PSG9: variants seen among roughly 807,000 people sequenced by gnomAD.
PSG9 encodes the protein pregnancy-specific beta-1-glycoprotein 9.
PSG9 carries 49 observed loss-of-function variants against 41.9 expected under a neutral mutation model. The observed-to-expected ratio is 1.17, with a 90% CI of 0.93 to 1.48. PSG9 has a LOEUF of 1.48. Ranked by LOEUF, PSG9 falls within the 40% of genes most tolerant of loss-of-function variation. The pLI is 0.00. For synonymous variants in PSG9, 263 were observed against 196.8 expected (o/e 1.34, Z -2.82); for missense variants, 641 against 520.3 (o/e 1.23, Z -2.26).
At chr19:43,267,690 G>C in intron 2 of PSG9, 94 bp downstream of exon 2, 1 of 1,573,034 alleles carries the variant, frequency 6.4e-7, no homozygotes, top group South Asian at 1.1e-5. Flanking sequence ...TGCAGAGAGT[G>C]ACACAGGCAG....
At chr19:43,266,947 G>T (rs964834120) in intron 2 of PSG9, among the ~76,000 whole-genome samples, 28 of 152,268 alleles carry the variant, frequency 1.8e-4, no homozygotes, top group African/African-American at 4.1e-4. Flanking sequence ...AATGTTAAAT[G>T]ATTCACAGTC....
In PSG9 at chr19:43,265,072, C is replaced by G. The variant is rs573290803; in HGVS notation, c.430+2712G>C. Among the ~76,000 whole-genome samples, 167 of 149,554 alleles carry G rather than the reference C, an allele frequency of 1.1e-3. 1 individual carries two copies. The highest frequency in any genetic ancestry group is 4.1e-3 in the African/African-American group (165 of 40,144). ...GGCATCTAGTCTCAGGCTGGCTGTC[C>G]TCACTCATTCCTGGACATAGGTCAG... On this transcript the variant is annotated intron_variant, in intron 2 of 5. Coordinates refer to ENST00000270077, the MANE Select transcript of PSG9 (RefSeq NM_002784.5).
At chr19:43,263,710 A>G (rs1024395526) in intron 2 of PSG9, among the ~76,000 whole-genome samples, 1 of 152,092 alleles carries the variant, frequency 6.6e-6, no homozygotes, top group African/African-American at 2.4e-5. Context: ...AGACCAAAAT[A>G]AGGTTTAGGT....
At position 43,269,358 on chromosome 19, in the gene PSG9, C is replaced by T. The variant is rs757127741; in HGVS notation, c.64+10G>A. 15 of 1,613,376 alleles carry T rather than the reference C, an allele frequency of 9.3e-6. No homozygotes were observed. The highest frequency in any genetic ancestry group is 1.7e-6 in the Non-Finnish European group (2 of 1,179,614). On this transcript the variant is annotated intron_variant, in intron 1 of 5. Coordinates refer to ENST00000270077, the MANE Select transcript of PSG9 (RefSeq NM_002784.5). ...TCCCCCTGTCCTCTCCCAGGAAGTTCTCTCCTCACCTGTGAGCAGGAGCCC... is the reference window on the plus strand; with the variant it reads ...TCCCCCTGTCCTCTCCCAGGAAGTTTTCTCCTCACCTGTGAGCAGGAGCCC...
intron 2 of PSG9, among the ~76,000 whole-genome samples, chr19:43,265,223 A>C (rs1334042073): frequency 6.6e-6 from 1 of 152,180 alleles, no homozygotes; most frequent in Non-Finnish European, 1.5e-5. Context: ...AAAGACCATG[A>C]GATTAAGATT....
intron 1 of PSG9, among the ~76,000 whole-genome samples, 159 bp downstream of exon 1, chr19:43,269,209 T>A (rs1405463218): frequency 6.6e-6 from 1 of 151,974 alleles, no homozygotes; most frequent in Non-Finnish European, 1.5e-5. Context: ...CTTCACTGCA[T>A]TGGCCGGACT....
In PSG9 at chr19:43,268,093, G is replaced by A; in HGVS notation, c.121C>T (p.Gln41Ter). The part of the protein sequence containing the change: ...PTTAEVTIEA[Q>*]PPKVSEGKDV... ...TTCCCCTCAGAAACTTTGGGTGGCT[G>A]GGCTTCAATCGTGACTTCGGCAGTG... Residue 41 changes from glutamine (Q) to a stop codon, truncating the protein, a stop_gained, in exon 2 of 6, where the codon CAG (glutamine) becomes TAG (stop). Transcript: ENST00000270077. LOFTEE classifies it high-confidence loss of function. 3 of 1,613,422 alleles carry A rather than the reference G, an allele frequency of 1.9e-6. No individual in the cohort carries two copies. The highest frequency in any genetic ancestry group is 2.5e-6 in the Non-Finnish European group (3 of 1,179,644).
intron 1 of PSG9, among the ~76,000 whole-genome samples, chr19:43,268,987 C>T (rs1451036959): frequency 6.6e-6 from 1 of 151,976 alleles, no homozygotes; most frequent in East Asian, 1.9e-4. Context: ...ATCCAGGCTG[C>T]AACAGAGCCT....
intron 2 of PSG9, among the ~76,000 whole-genome samples, chr19:43,262,843 T>C (rs1162889333): frequency 1.3e-5 from 2 of 152,150 alleles, no homozygotes; most frequent in African/African-American, 4.8e-5. Context: ...CAGTAGCTGA[T>C]AGCTTTCGAC....
intron 3 of PSG9, chr19:43,259,565 T>A (rs1175877360): frequency 5.0e-6 from 1 of 198,092 alleles, no homozygotes; most frequent in Non-Finnish European, 9.9e-6. Context: ...TCTAAGGATG[T>A]TCTAGAGATG....
In PSG9 at chr19:43,258,379, T is replaced by C. The variant is rs367986060; in HGVS notation, c.1066A>G (p.Thr356Ala). 2.4e-5 allele frequency: 39 copies of C among 1,592,646 alleles called. 4 individuals are homozygous for C. The highest frequency in any genetic ancestry group is 1.6e-4 in the African/African-American group (11 of 70,852). ...SGENLDLSCF[T>A]ESNPPAEYFW... ...TACTCTGCCGGTGGGTTAGATTCCG[T>C]GAAGCAGGACAAGTCGAGGTTTTCT... Residue 356 changes from threonine to alanine, a missense_variant, in exon 5 of 6, where the codon ACG becomes GCG. Transcript: ENST00000270077.
Position 43,267,905 on chromosome 19 carries a change from G to A in PSG9, c.309C>T (p.Ser103=). 1 of 1,613,696 alleles carries A rather than the reference G, an allele frequency of 6.2e-7. No individual in the cohort carries two copies. The highest frequency in any genetic ancestry group is 8.5e-7 in the Non-Finnish European group (1 of 1,179,756). ...CATTCTGGATCAGCAGGGATGCGTT[G>A]GAATATACTGTTTCTCTTCCACTGT... ...PAYSGRETVY[S]NASLLIQNVT... The change falls in exon 2 of 6, where the codon TCC becomes TCT. Residue 103 remains serine, a synonymous_variant. Transcript: ENST00000270077.
chr19:43,266,926 AT>A (rs1353039802), intron 2 of PSG9, among the ~76,000 whole-genome samples: 1 of 152,172 alleles, frequency 6.6e-6, no homozygotes, highest in African/African-American at 2.4e-5. Context: ...TTTTCATGCT[AT>A]CTGTGAATAA....
At position 43,253,437 on chromosome 19, in the gene PSG9, A is replaced by G. The variant is rs1568408109; in HGVS notation, c.*172T>C. ...ACCAATTGCTGAAGAAAAAAAGTTC[A>G]TAAATCTGGAGAATAAAACATTCAA... On this transcript the variant is annotated 3_prime_UTR_variant, in exon 6 of 6. Transcript: ENST00000270077. The G allele has an allele frequency of 7.0e-6, 3 of 429,744 alleles. No homozygotes were observed. The highest frequency in any genetic ancestry group is 1.2e-5 in the Non-Finnish European group (3 of 244,608). The allele number at this position is 429,744 out of a possible 1,614,324, so 26.6% of individuals were successfully genotyped here.
Position 43,267,669 on chromosome 19 carries a change from A to G in PSG9, c.430+115T>C, listed in dbSNP as rs1969034680. ...CTGCACTAAATGCCCAAACCCCAGC[A>G]TGGGACATAATGCAGAGAGTGACAC... On this transcript the variant is annotated intron_variant, in intron 2 of 5. Transcript: ENST00000270077. The G allele has an allele frequency of 3.2e-6, 5 of 1,538,766 alleles. No homozygotes were observed. The East Asian group carries it at 1.1e-4, about 35-fold the overall frequency.
At chr19:43,262,634 G>A (rs935134764) in intron 2 of PSG9, among the ~76,000 whole-genome samples, 1 of 152,146 alleles carries the variant, frequency 6.6e-6, no homozygotes, top group Non-Finnish European at 1.5e-5. Flanking sequence ...GCCTGGTCTG[G>A]GACTGGGTAC....
Position 43,254,115 on chromosome 19 carries a change from T to C in PSG9, c.1244-469A>G, listed in dbSNP as rs1423263502. Among the ~76,000 whole-genome samples, 6 of 145,780 alleles carry C rather than the reference T, an allele frequency of 4.1e-5. 1 individual carries two copies. Among genetic ancestry groups the C allele is most frequent in the Admixed American group, 1.4e-4 (2 of 14,646 alleles). ...TGTGTTACCTCTTTTTCCATATATA[T>C]GGAAAAAGGTAGGTACTGTTGAGGT... On this transcript the variant is annotated intron_variant, in intron 5 of 5. Coordinates refer to ENST00000270077, the MANE Select transcript of PSG9 (RefSeq NM_002784.5).
chr19:43,260,348 T>C (rs890346054), intron 3 of PSG9: 1 of 146,888 alleles, frequency 6.8e-6, no homozygotes, highest in African/African-American at 2.6e-5. Flanking sequence ...TGACATTTTT[T>C]TATTCTGAAA....
Position 43,268,020 on chromosome 19 carries a change from T to C in PSG9, c.194A>G (p.Tyr65Cys). The C allele has an allele frequency of 6.2e-7, 1 of 1,613,896 alleles. No individual in the cohort carries two copies. Among genetic ancestry groups the C allele is most frequent in the Non-Finnish European group, 8.5e-7 (1 of 1,179,902 alleles). The change falls in exon 2 of 6, where the codon TAC becomes TGC. Residue 65 changes from tyrosine (Y) to cysteine (C), a missense_variant. Physicochemically the swap from Tyr to Cys is radical, Grantham distance 194. Transcript: ENST00000270077. ...VHNLPQNLPG[Y>C]FWYKGEMTDL... ...CGTCATTTCCCCTTTGTACCAGAAG[T>C]AGCCAGGAAGATTCTGGGGCAAATT...
Sources: allele counts gnomAD v4.1 joint callset (sites outside exome capture counted in the v4.1 genomes callset), GRCh38; gene constraint gnomAD v4.1.1; transcripts MANE v1.5; gene names NCBI Gene and HGNC (gene_info 2026-07-23, HGNC 2026-07-21).